The following ANXA7 variants were observed in gnomAD, a reference collection of about 807,000 sequenced individuals.
The protein encoded by ANXA7 is annexin A7, also known as annexin VII.
ANXA7 carries 55 observed loss-of-function variants against 64.9 expected under a neutral mutation model. That is an observed-to-expected ratio of 0.85 (90% CI 0.68 to 1.06). The LOEUF is 1.06. ANXA7 is among the 50% of genes least tolerant of loss of function. ANXA7 has a pLI of 0.00. For missense variants in ANXA7, 548 were observed against 582.1 expected (o/e 0.94, Z 0.60); for synonymous variants, 200 against 192.4 (o/e 1.04, Z -0.33).
chr10:73,400,121 C>T lies in ANXA7; in HGVS notation c.54+682G>A, dbSNP rs138883974. Among the ~76,000 whole-genome samples the T allele has an allele frequency of 5.3e-5, 8 of 151,602 alleles. No homozygotes were observed. In the East Asian group the frequency reaches 1.6e-3, roughly 30 times the overall value. On this transcript the variant is annotated intron_variant, in intron 2 of 12. Coordinates refer to ENST00000372921, the MANE Select transcript of ANXA7 (RefSeq NM_001156.5). ...TCACACCACTGCACTCCAGCCTGGG[C>T]GCACAGCGAGACTCCATCTCAAAAA... is the stretch of plus-strand genomic sequence containing the variant.
intron 1 of ANXA7, among the ~76,000 whole-genome samples, chr10:73,404,178 T>A (rs1328038817): frequency 1.3e-5 from 2 of 152,148 alleles, no homozygotes; most frequent in African/African-American, 4.8e-5. Context: ...GAAAGTAGGG[T>A]GGTAGAGTGT....
At chr10:73,402,552 C>T (rs1377482656) in intron 1 of ANXA7, among the ~76,000 whole-genome samples, 1 of 152,174 alleles carries the variant, frequency 6.6e-6, no homozygotes, top group Admixed American at 6.5e-5. Flanking sequence ...CAATTTGACA[C>T]ACGTTAGGTC....
intron 1 of ANXA7, among the ~76,000 whole-genome samples, chr10:73,406,737 T>C (rs2055763637): frequency 2.0e-5 from 3 of 151,950 alleles, no homozygotes; most frequent in Non-Finnish European, 4.4e-5. Context: ...ACCTGGCTAA[T>C]TTTTTGTATT....
intron 5 of ANXA7, among the ~76,000 whole-genome samples, chr10:73,393,390 C>T (rs1416952902): frequency 2.6e-5 from 4 of 152,074 alleles, no homozygotes; most frequent in African/African-American, 7.2e-5. Context: ...AAAAAGAGCC[C>T]ACATTGCCAA....
At chr10:73,386,657 T>G (rs1365650442) in intron 7 of ANXA7, among the ~76,000 whole-genome samples, 1 of 152,134 alleles carries the variant, frequency 6.6e-6, no homozygotes, top group East Asian at 1.9e-4. Context: ...GTACAGAGAA[T>G]GGCAAGCATT....
intron 5 of ANXA7, among the ~76,000 whole-genome samples, chr10:73,392,248 C>A (rs1325487225): frequency 1.3e-5 from 2 of 152,208 alleles, no homozygotes; most frequent in Admixed American, 1.3e-4. Context: ...CAGACAGATT[C>A]ACAGCCGAAT....
Position 73,379,954 on chromosome 10 carries a change from T to C in ANXA7, c.1090A>G (p.Met364Val). The part of the protein sequence containing the change: ...LRATMEAYSR[M>V]ANRDLLSSVS... ...CTGCTTAACAAGTCTCGATTAGCCA[T>C]CTGCAAACAAAATTAAAGGGTTAAA... The change falls in exon 11 of 13, where the codon ATG becomes GTG. Residue 364 changes from methionine to valine, a missense_variant and splice_region_variant. By Grantham distance (21) the Met-to-Val change is conservative. Coordinates refer to ENST00000372921, the MANE Select transcript of ANXA7 (RefSeq NM_001156.5). The C allele has an allele frequency of 6.2e-7, 1 of 1,613,638 alleles. No homozygotes were observed. The highest frequency in any genetic ancestry group is 8.5e-7 in the Non-Finnish European group (1 of 1,179,900).
intron 2 of ANXA7, among the ~76,000 whole-genome samples, chr10:73,399,971 GTC>G (rs1167368019): frequency 1.3e-5 from 2 of 151,696 alleles, no homozygotes; most frequent in Non-Finnish European, 2.9e-5. Context: ...GTGAAATTCC[GTC>G]TCTACTAAAA....
At chr10:73,379,540 G>A (rs2055240116) in intron 11 of ANXA7, among the ~76,000 whole-genome samples, 1 of 152,142 alleles carries the variant, frequency 6.6e-6, no homozygotes, top group Non-Finnish European at 1.5e-5. Context: ...GAGTTCCTCA[G>A]GACTTTCCCT....
chr10:73,381,296 T>C (rs1414716627), intron 9 of ANXA7: 1 of 152,116 alleles, frequency 6.6e-6, no homozygotes, highest in Non-Finnish European at 1.5e-5. Context: ...AAATAACTCA[T>C]GTTCTGTTAG....
chr10:73,383,204 A>T lies in ANXA7; in HGVS notation c.889T>A (p.Phe297Ile). 6.2e-7 allele frequency: 1 copy of T among 1,613,580 alleles called. No homozygotes were observed. The highest frequency in any genetic ancestry group is 8.5e-7 in the Non-Finnish European group (1 of 1,179,710). ...CACATGGACACAAGTAAACGTTCAA[A>T]ATGTCCTGATGTATCTGACCTAATG... is the stretch of plus-strand genomic sequence containing the variant. ...KDIRSDTSGHFERLLVSMCQG... is the reference protein window; with the variant it reads ...KDIRSDTSGHIERLLVSMCQG... The change falls in exon 9 of 13, where the codon TTT (phenylalanine) becomes ATT (isoleucine). Residue 297 changes from phenylalanine to isoleucine, a missense_variant. Coordinates refer to ENST00000372921, the MANE Select transcript of ANXA7 (RefSeq NM_001156.5).
Position 73,414,048 on chromosome 10 carries a change from T to G in ANXA7, c.-38A>C, listed in dbSNP as rs943208621. The G allele has an allele frequency of 1.6e-4, 25 of 151,784 alleles. No individual in the cohort carries two copies. Among genetic ancestry groups the G allele is most frequent in the African/African-American group, 5.1e-4 (21 of 41,222 alleles). The allele number at this position is 151,784 out of a possible 1,614,324, so 9.4% of individuals were successfully genotyped here. ...AGCAGCGTCACAGCCCAACCCGGTC[T>G]CCCGCAAGATGGAGCCGGGGGCGGG... On this transcript the variant is annotated 5_prime_UTR_variant, in exon 1 of 13. Transcript: ENST00000372921.
rs2055150372 is a variant in ANXA7 at position 73,375,142 on chromosome 10, T to G, written c.*953A>C. On this transcript the variant is annotated 3_prime_UTR_variant, in exon 13 of 13. Coordinates refer to ENST00000372921, the MANE Select transcript of ANXA7 (RefSeq NM_001156.5). ...TACGTGGAATCTAAAATAGCTGAAC[T>G]TAAACACAGTGGTGGTTGTCCAGGT... The G allele has an allele frequency of 6.6e-6, 1 of 152,194 alleles. No homozygotes were observed. Among genetic ancestry groups the G allele is most frequent in the Non-Finnish European group, 1.5e-5 (1 of 68,040 alleles). 9.4% of individuals were successfully genotyped at this position (152,194 alleles called of 1,614,324 possible). A position where few individuals can be genotyped will look rare whatever the true frequency, so the allele number is the denominator to read the frequency against.
At chr10:73,377,930 T>TGTGTGTGTGTGTGCGC (rs542289005) in intron 12 of ANXA7, among the ~76,000 whole-genome samples, 59 of 142,582 alleles carry the variant, frequency 4.1e-4, no homozygotes, top group African/African-American at 1.6e-3. Flanking sequence ...TGTGTGTGTG[T>TGTGTGTGTGTGTGCGC]GCGCGCGCGT....
chr10:73,397,811 GT>G (rs957959117), intron 3 of ANXA7, among the ~76,000 whole-genome samples: 2 of 152,080 alleles, frequency 1.3e-5, no homozygotes, highest in African/African-American at 4.8e-5. Context: ...AAGGGCTAAG[GT>G]TTTTTTGTTG....
intron 7 of ANXA7, among the ~76,000 whole-genome samples, chr10:73,387,350 A>G (rs145141016): frequency 0.044 from 6,769 of 152,150 alleles, 456 homozygotes; most frequent in African/African-American, 0.15. Flanking sequence ...CTCTGTCTCT[A>G]CTAAAAATAC....
At chr10:73,392,847 G>A (rs1219689293) in intron 5 of ANXA7, among the ~76,000 whole-genome samples, 1 of 152,030 alleles carries the variant, frequency 6.6e-6, no homozygotes, top group East Asian at 1.9e-4. Context: ...GGAAGTTCTG[G>A]CCAGGGCAAT....
chr10:73,396,166 T>A, intron 5 of ANXA7: 1 of 1,105,552 alleles, frequency 9.0e-7, no homozygotes, highest in Non-Finnish European at 1.4e-6. Context: ...CCACCCTACA[T>A]AAATCACTGT....
At chr10:73,387,239 G>A (rs1366953053) in intron 7 of ANXA7, among the ~76,000 whole-genome samples, 1 of 152,178 alleles carries the variant, frequency 6.6e-6, no homozygotes, top group South Asian at 2.1e-4. Context: ...AATAGGCCAG[G>A]CATGGTGGCT....
Sources: allele counts gnomAD v4.1 joint callset (sites outside exome capture counted in the v4.1 genomes callset), GRCh38; gene constraint gnomAD v4.1.1; transcripts MANE v1.5; gene names NCBI Gene and HGNC (gene_info 2026-07-23, HGNC 2026-07-21).